Variants in LVRN observed in about 807,000 individuals in gnomAD.
LVRN encodes laeverin.
A neutral mutation model predicts 111.4 loss-of-function variants in LVRN; 99 were observed. The observed-to-expected ratio is 0.89, with a 90% CI of 0.76 to 1.05. LVRN has a LOEUF of 1.05. Ranked by LOEUF, LVRN falls within the 50% of genes least tolerant of loss-of-function variation. The pLI is 0.00. For missense variants in LVRN, 1,414 were observed against 1,206.8 expected, an observed-to-expected ratio of 1.17 and a Z score of -2.54; for synonymous variants, 488 against 449.5, an observed-to-expected ratio of 1.09 and a Z score of -1.08.
chr5:115,981,191 ACT>A (rs1180664687), intron 1 of LVRN, among the ~76,000 whole-genome samples: 1 of 152,076 alleles, frequency 6.6e-6, no homozygotes, highest in Admixed American at 6.5e-5. Context: ...ATTATAACAA[ACT>A]CTGCCAAAGT....
At position 115,966,201 on chromosome 5, in the gene LVRN, TCTC is replaced by T. The variant is rs372241399; in HGVS notation, c.695+2892_695+2894del. Among the ~76,000 whole-genome samples the T allele has an allele frequency of 4.3e-4, 66 of 152,222 alleles. 1 individual carries two copies. The East Asian group carries it at 0.011, about 25-fold the overall frequency. ...CCACCTTAAAGATCATTCCCATACT[TCTC>T]CTTTTTATGCACTCATACCACTCCT... is the stretch of plus-strand genomic sequence containing the variant. On this transcript the variant is annotated intron_variant, in intron 1 of 19. Coordinates refer to ENST00000357872, the MANE Select transcript of LVRN (RefSeq NM_173800.5).
Position 116,010,846 on chromosome 5 carries a change from G to A in LVRN, c.2199G>A (p.Arg733=). The part of the protein sequence containing the change: ...WHTVLVNLVT[R]DLVSEVNIYD... ...CAGTCTTGGTAAACTTGGTAACCAG[G>A]GATCTTGTTTCTGAGGTGAACATCT... The change falls in exon 14 of 20, where the codon AGG becomes AGA. Residue 733 remains arginine (R), a synonymous_variant. Coordinates refer to ENST00000357872, the MANE Select transcript of LVRN (RefSeq NM_173800.5). The A allele has an allele frequency of 6.2e-7, 1 of 1,610,942 alleles. No individual in the cohort carries two copies. Among genetic ancestry groups the A allele is most frequent in the Non-Finnish European group, 8.5e-7 (1 of 1,178,506 alleles).
At chr5:116,006,329 T>A (rs1748373427) in intron 13 of LVRN, among the ~76,000 whole-genome samples, 1 of 152,206 alleles carries the variant, frequency 6.6e-6, no homozygotes, top group South Asian at 2.1e-4. Flanking sequence ...GTTCAGAATT[T>A]AAATTTTCAG....
rs1438568017 is a variant in LVRN, at chr5:115,987,962, G to A, written c.1105+23G>A. The A allele has an allele frequency of 2.5e-6, 4 of 1,600,852 alleles. No individual in the cohort carries two copies. In the South Asian group the frequency reaches 4.5e-5, roughly 18 times the overall value. ...CAGGTGAGGTAATCTTTTCCTTTCA[G>A]TGCATTTGGTTTCCTGTTATTTGGG... is the stretch of plus-strand genomic sequence containing the variant. On this transcript the variant is annotated intron_variant, in intron 4 of 19. Transcript: ENST00000357872.
chr5:115,987,683 C>A, intron 3 of LVRN, 130 bp from the exon 4 acceptor site: 1 of 1,096,948 alleles, frequency 9.1e-7, no homozygotes, highest in Non-Finnish European at 1.3e-6. Flanking sequence ...AGCATGCAAG[C>A]ATTTTATTAT....
intron 1 of LVRN, chr5:115,974,729 G>C: frequency 4.7e-6 from 1 of 214,808 alleles, no homozygotes; most frequent in Non-Finnish European, 9.4e-6. Flanking sequence ...ACCCTATTCA[G>C]TGTACATATT....
At chr5:115,977,588 G>T (rs547078401) in intron 1 of LVRN, among the ~76,000 whole-genome samples, 1 of 152,066 alleles carries the variant, frequency 6.6e-6, no homozygotes, top group Non-Finnish European at 1.5e-5. Flanking sequence ...ATCTCTAGTC[G>T]TCTTCATGAC....
At chr5:115,967,444 C>G (rs2112547892) in intron 1 of LVRN, among the ~76,000 whole-genome samples, 1 of 152,280 alleles carries the variant, frequency 6.6e-6, no homozygotes, top group South Asian at 2.1e-4. Context: ...TCAGTTGGCC[C>G]CACTATTACT....
intron 6 of LVRN, among the ~76,000 whole-genome samples, chr5:115,998,425 C>A (rs531530258): frequency 1.4e-4 from 21 of 152,164 alleles, no homozygotes; most frequent in African/African-American, 5.1e-4. Flanking sequence ...AAAGTTTTTA[C>A]AACTATGGGA....
intron 15 of LVRN, among the ~76,000 whole-genome samples, chr5:116,013,766 A>T (rs1748540503): frequency 6.6e-6 from 1 of 152,118 alleles, no homozygotes; most frequent in Non-Finnish European, 1.5e-5. Context: ...TGGAGTAGGG[A>T]CCACAAGGCA....
chr5:116,008,338 C>T (rs1332347411), intron 13 of LVRN, among the ~76,000 whole-genome samples: 2 of 151,770 alleles, frequency 1.3e-5, no homozygotes, highest in African/African-American at 2.4e-5. Flanking sequence ...AGCGAGACTC[C>T]GTCTAAAAAA....
chr5:115,974,912 G>C (rs143735068), intron 1 of LVRN: 1 of 472,168 alleles, frequency 2.1e-6, no homozygotes, highest in East Asian at 5.9e-5. Context: ...AGACTCTACT[G>C]ATATATTTCC....
intron 13 of LVRN, among the ~76,000 whole-genome samples, chr5:116,010,088 C>T (rs1748454128): frequency 6.6e-6 from 1 of 152,174 alleles, no homozygotes; most frequent in African/African-American, 2.4e-5. Context: ...CAACCACCAC[C>T]CTGATCAGTT....
intron 1 of LVRN, chr5:115,975,074 T>C (rs962478706): frequency 4.2e-5 from 14 of 329,550 alleles, no homozygotes; most frequent in Non-Finnish European, 7.7e-5. Flanking sequence ...TTCACTAAAC[T>C]TAATGGCAAC....
Position 116,015,650 on chromosome 5 carries a change from A to G in LVRN, c.2641A>G (p.Thr881Ala). 1.2e-6 allele frequency: 2 copies of G among 1,612,872 alleles called. No individual in the cohort carries two copies. The highest frequency in any genetic ancestry group is 2.2e-5 in the East Asian group (1 of 44,852). ...LNRYMEYAIS[T>A]SPFTSNETNI... ...CAGATATATGGAGTATGCCATCAGC[A>G]CATCTCCATTCACTTCTAATGAAAC... The change falls in exon 18 of 20, where the codon ACA (threonine) becomes GCA (alanine). Residue 881 changes from threonine (T) to alanine (A), a missense_variant. Transcript: ENST00000357872.
chr5:115,980,252 A>C (rs1349039207), intron 1 of LVRN, among the ~76,000 whole-genome samples: 2 of 152,052 alleles, frequency 1.3e-5, no homozygotes, highest in Admixed American at 6.6e-5. Flanking sequence ...GCTTGAGTCC[A>C]AAGCACAGAG....
At chr5:115,992,022 T>G in intron 4 of LVRN, 101 bp from the exon 5 acceptor site, 5 of 1,154,210 alleles carry the variant, frequency 4.3e-6, no homozygotes, top group Non-Finnish European at 6.1e-6. Context: ...AATATTCCCT[T>G]GAATTTTTTG....
intron 1 of LVRN, among the ~76,000 whole-genome samples, chr5:115,973,828 T>C (rs768702758): frequency 1.3e-5 from 2 of 152,224 alleles, no homozygotes; most frequent in Non-Finnish European, 2.9e-5. Context: ...ACTCTACCAC[T>C]TACTAGTTGT....
intron 4 of LVRN, among the ~76,000 whole-genome samples, chr5:115,991,162 T>C (rs1352986959): frequency 3.3e-5 from 5 of 152,166 alleles, no homozygotes; most frequent in Non-Finnish European, 5.9e-5. Context: ...ACAGAATAGT[T>C]TCACTGCCAT....
Sources: gnomAD v4.1 joint callset for allele counts (sites outside exome capture counted in the v4.1 genomes callset) on GRCh38, gnomAD v4.1.1 for gene constraint, MANE v1.5 for transcripts, NCBI Gene and HGNC (gene_info 2026-07-23, HGNC 2026-07-21) for gene names.